The following SYN3 variants were observed in gnomAD, a reference collection of about 807,000 sequenced individuals.
SYN3 encodes the protein synapsin-3.
A neutral mutation model predicts 65.8 loss-of-function variants in SYN3; 35 were observed. The ratio of observed to expected loss-of-function variants is 0.53; its 90% CI spans 0.41 to 0.70. The LOEUF (loss-of-function observed/expected upper bound fraction) is 0.70, where lower values mean the gene tolerates loss of function less well. Ranked by LOEUF, SYN3 falls within the 30% of genes least tolerant of loss-of-function variation. The pLI, the probability that SYN3 is intolerant of heterozygous loss-of-function variation, is 0.00. For missense variants in SYN3, 680 were observed against 749.0 expected (o/e 0.91, Z 1.08); for synonymous variants, 270 against 292.9 (o/e 0.92, Z 0.80).
chr22:32,693,075 C>CTA (rs139611914), intron 6 of SYN3, among the ~76,000 whole-genome samples: 8,529 of 151,088 alleles, frequency 0.056, 311 homozygotes, highest in Non-Finnish European at 0.086. Flanking sequence ...GTACTGAACC[C>CTA]TATATATATA....
At chr22:32,994,496 T>C (rs1033500963) in intron 2 of SYN3, among the ~76,000 whole-genome samples, 1 of 152,080 alleles carries the variant, frequency 6.6e-6, no homozygotes, top group Non-Finnish European at 1.5e-5. Context: ...CAGAAACCCC[T>C]TCATTTCCCC....
chr22:32,807,355 AATATATAATATATATT>A, intron 6 of SYN3, among the ~76,000 whole-genome samples: 1 of 19,910 alleles, frequency 5.0e-5, no homozygotes, highest in Non-Finnish European at 9.6e-5. Context: ...ATAAATATAT[AATATATAATATATATT>A]ATATATAATA....
In SYN3 at chr22:33,027,455, G is replaced by A. The variant is rs113529804; in HGVS notation, c.-162-20631C>T. 3.1e-3 allele frequency among the ~76,000 whole-genome samples: 466 copies of A among 152,014 alleles called. 4 individuals carry two copies. Among genetic ancestry groups the A allele is most frequent in the African/African-American group, 0.011 (456 of 41,452 alleles). ...CTGCTAAAAATACAAAAATTAGCCG[G>A]GCATGGTGGCTCACGTCTGTAATTG... On this transcript the variant is annotated intron_variant, in intron 1 of 13. Transcript: ENST00000358763.
intron 3 of SYN3, among the ~76,000 whole-genome samples, chr22:32,946,529 T>C (rs1032836676): frequency 3.9e-4 from 43 of 111,462 alleles, no homozygotes; most frequent in African/African-American, 1.4e-3. Flanking sequence ...ACATCACACA[T>C]AGGGGCCTGT....
At chr22:32,928,325 G>A (rs559369409) in intron 4 of SYN3, among the ~76,000 whole-genome samples, 184 of 151,504 alleles carry the variant, frequency 1.2e-3, no homozygotes, top group Non-Finnish European at 2.1e-3. Flanking sequence ...GCGAGACTCC[G>A]TCTCAAAAAA....
intron 2 of SYN3, among the ~76,000 whole-genome samples, chr22:32,994,707 T>G (rs2052828147): frequency 6.6e-6 from 1 of 152,118 alleles, no homozygotes; most frequent in East Asian, 1.9e-4. Context: ...GCGGAGGGAC[T>G]GCCAGCCCGC....
chr22:32,528,689 A>T (rs2058022049), intron 11 of SYN3, among the ~76,000 whole-genome samples, 185 bp downstream of exon 11: 1 of 152,176 alleles, frequency 6.6e-6, no homozygotes, highest in Non-Finnish European at 1.5e-5. Context: ...AGCCTCCTCA[A>T]TTCACTTACT....
intron 1 of SYN3, among the ~76,000 whole-genome samples, chr22:33,037,991 G>T (rs550326013): frequency 1.3e-5 from 2 of 150,882 alleles, no homozygotes; most frequent in Admixed American, 1.3e-4. Context: ...AAGAATGCAT[G>T]AAGTTAAAAA....
intron 3 of SYN3, among the ~76,000 whole-genome samples, chr22:32,974,696 C>A (rs546595576): frequency 6.6e-6 from 1 of 152,220 alleles, no homozygotes; most frequent in South Asian, 2.1e-4. Context: ...TATCACCTTC[C>A]TGCATTCTAA....
At chr22:32,901,566 C>T (rs1232547161) in intron 4 of SYN3, among the ~76,000 whole-genome samples, 4 of 152,204 alleles carry the variant, frequency 2.6e-5, no homozygotes, top group African/African-American at 7.2e-5. Flanking sequence ...GCCAAGCATC[C>T]TGCTTCACAT....
intron 12 of SYN3, among the ~76,000 whole-genome samples, chr22:32,520,551 T>G (rs534255944): frequency 6.6e-6 from 1 of 152,260 alleles, no homozygotes; most frequent in African/African-American, 2.4e-5. Flanking sequence ...AAAAACCCTG[T>G]TTTATTACTT....
At chr22:32,786,998 T>TATGGTTATGGGG (rs2046210302) in intron 6 of SYN3, among the ~76,000 whole-genome samples, 2 of 151,934 alleles carry the variant, frequency 1.3e-5, no homozygotes, top group Non-Finnish European at 2.9e-5. Flanking sequence ...TTTAACCAAG[T>TATGGTTATGGGG]CTACCCATAC....
At chr22:32,834,148 T>C (rs1330472283) in intron 6 of SYN3, among the ~76,000 whole-genome samples, 3 of 151,712 alleles carry the variant, frequency 2.0e-5, no homozygotes, top group Non-Finnish European at 4.4e-5. Context: ...AGGGACTACC[T>C]GAGCCCAGCT....
chr22:32,867,057 C>T (rs376289432), intron 5 of SYN3, among the ~76,000 whole-genome samples: 10 of 152,136 alleles, frequency 6.6e-5, no homozygotes, highest in African/African-American at 2.2e-4. Context: ...GGTTGCTGCT[C>T]GAGTAACACA....
At chr22:32,851,776 T>G (rs532639902) in intron 6 of SYN3, among the ~76,000 whole-genome samples, 3 of 152,236 alleles carry the variant, frequency 2.0e-5, no homozygotes, top group African/African-American at 7.2e-5. Context: ...TCAGTCACCA[T>G]CTCATGCCTT....
rs77847906 is a variant in SYN3 at position 33,006,885 on chromosome 22, G to T, written c.-162-61C>A. 2,612 of 438,402 alleles carry T rather than the reference G, an allele frequency of 6.0e-3. 58 individuals are homozygous for T. The highest frequency in any genetic ancestry group is 0.045 in the African/African-American group (2,330 of 51,702). The allele number at this position is 438,402 out of a possible 1,614,324, so 27.2% of individuals were successfully genotyped here. A position where few individuals can be genotyped will look rare whatever the true frequency, so the allele number is the denominator to read the frequency against. ...ACCTCCACCCCCTTAAGAGCAAACA[G>T]ATACAGCGCTTTCCTGCCCCACTGC... On this transcript the variant is annotated intron_variant, in intron 1 of 13. Coordinates refer to ENST00000358763, the MANE Select transcript of SYN3 (RefSeq NM_003490.4).
intron 6 of SYN3, among the ~76,000 whole-genome samples, chr22:32,848,665 T>C (rs2048135925): frequency 6.6e-6 from 1 of 152,254 alleles, no homozygotes; most frequent in African/African-American, 2.4e-5. Context: ...AGTTTCACAT[T>C]TGTCATCTTG....
At chr22:32,867,653 G>T (rs1322992246) in intron 5 of SYN3, among the ~76,000 whole-genome samples, 2 of 152,212 alleles carry the variant, frequency 1.3e-5, no homozygotes, top group South Asian at 2.1e-4. Flanking sequence ...CGCAATCTCA[G>T]CTCTCTGCAA....
chr22:32,556,879 G>A (rs536257532), intron 7 of SYN3, among the ~76,000 whole-genome samples: 10 of 133,228 alleles, frequency 7.5e-5, no homozygotes, highest in South Asian at 2.4e-4. Flanking sequence ...GGCTGGTCTC[G>A]AACTCCTGGC....
Sources: gnomAD v4.1 joint callset for allele counts (sites outside exome capture counted in the v4.1 genomes callset) on GRCh38, gnomAD v4.1.1 for gene constraint, MANE v1.5 for transcripts, NCBI Gene and HGNC (gene_info 2026-07-23, HGNC 2026-07-21) for gene names.